Variants in PRH1 observed in about 807,000 individuals in gnomAD.
PRH1 encodes salivary acidic proline-rich phosphoprotein 1/2.
Under a neutral mutation model 7.9 loss-of-function variants are expected in PRH1, and 7 were observed. The ratio of observed to expected loss-of-function variants is 0.89; its 90% CI spans 0.50 to 1.67. The LOEUF (loss-of-function observed/expected upper bound fraction) is 1.67, where lower values mean the gene tolerates loss of function less well. PRH1 is among the 40% of genes most tolerant of loss of function. PRH1 has a pLI of 0.00. For missense variants in PRH1, 109 were observed against 223.6 expected (o/e 0.49, Z 3.27); for synonymous variants, 45 against 80.8 (o/e 0.56, Z 2.38).
At chr12:11,019,154 C>T (rs1941455815) in intron 1 of PRH1, among the ~76,000 whole-genome samples, 1 of 152,286 alleles carries the variant, frequency 6.6e-6, no homozygotes. Context: ...AAATAGAAGA[C>T]AGAAGACAGC....
chr12:11,045,437 T>A (rs532072565), intron 1 of PRH1, among the ~76,000 whole-genome samples: 4 of 152,118 alleles, frequency 2.6e-5, no homozygotes, highest in African/African-American at 9.7e-5. Flanking sequence ...TATAACTGAA[T>A]TGTTTGTAAC....
At chr12:11,030,322 G>C (rs922504328) in intron 1 of PRH1, 13 of 1,537,306 alleles carry the variant, frequency 8.5e-6, no homozygotes, top group Non-Finnish European at 1.1e-5. Context: ...ATACAGTATA[G>C]AAAAACCAGT....
chr12:10,981,781 T>C (rs1211242266), intron 1 of PRH1, among the ~76,000 whole-genome samples: 2 of 151,864 alleles, frequency 1.3e-5, no homozygotes, highest in Non-Finnish European at 2.9e-5. Context: ...CACTGCAAAC[T>C]CGAATTCCTG....
At chr12:11,050,482 G>A (rs977456065), upstream of PRH1, among the ~76,000 whole-genome samples, 15 of 152,164 alleles carry the variant, frequency 9.9e-5, no homozygotes. Flanking sequence ...CCTTCAGCAT[G>A]GGTGTCATGG....
chr12:10,903,851 A>G (rs1364412730), intron 2 of PRH1, among the ~76,000 whole-genome samples: 1 of 151,234 alleles, frequency 6.6e-6, no homozygotes, highest in Non-Finnish European at 1.5e-5. Flanking sequence ...TCAATTCACA[A>G]AAATCAGTAG....
At chr12:10,908,392 G>A (rs200650602) in intron 2 of PRH1, 281 of 1,609,708 alleles carry the variant, frequency 1.7e-4, no homozygotes, top group South Asian at 2.2e-5. Flanking sequence ...GTTTCTCATC[G>A]TTTAGCCCAT....
intron 1 of PRH1, chr12:11,031,008 T>A: frequency 6.2e-7 from 1 of 1,614,308 alleles, no homozygotes; most frequent in Non-Finnish European, 8.5e-7. Context: ...AAATTGGCAA[T>A]CTTGAGCAAA....
At chr12:11,168,368 A>AAAAGAAAGAAAGAAAG (rs199864169) in intron 1 of PRH1, among the ~76,000 whole-genome samples, 6 of 36,094 alleles carry the variant, frequency 1.7e-4, no homozygotes, top group African/African-American at 5.6e-4. Flanking sequence ...GAAAAGAAAG[A>AAAAGAAAGAAAGAAAG]AAAGAAAGAA....
chr12:10,958,940 C>G (rs1392254743), intron 2 of PRH1, among the ~76,000 whole-genome samples: 2 of 152,134 alleles, frequency 1.3e-5, no homozygotes, highest in East Asian at 3.9e-4. Flanking sequence ...TTTACAGGTT[C>G]TCTCTGGCTG....
intron 1 of PRH1, among the ~76,000 whole-genome samples, chr12:11,005,510 G>C (rs949523469): frequency 6.6e-6 from 1 of 152,058 alleles, no homozygotes; most frequent in Non-Finnish European, 1.5e-5. Context: ...AGAATCCAAA[G>C]TTTTCTTATC....
intron 2 of PRH1, among the ~76,000 whole-genome samples, chr12:10,910,512 T>C (rs866738113): frequency 1.9e-4 from 29 of 152,106 alleles, no homozygotes; most frequent in Admixed American, 3.3e-4. Flanking sequence ...AAATATATAG[T>C]GTGGTGTCTC....
intron 1 of PRH1, among the ~76,000 whole-genome samples, chr12:10,983,055 G>A (rs78400021): frequency 0.031 from 4,715 of 152,256 alleles, 91 homozygotes; most frequent in Non-Finnish European, 0.048. Flanking sequence ...TCTGGCCCAA[G>A]TTGCTTGGCC....
rs2708360 is a variant in PRH1, at chr12:11,104,861, T to C, written n.124-57673A>G. On this transcript the variant is annotated intron_variant and non_coding_transcript_variant, in intron 1 of 4. Transcript: ENST00000541977. ...TATACATTTTTGTATTTATATAAAA[T>C]ATTATTAAACAATATTTTCCAAGTC... Among the ~76,000 whole-genome samples the C allele has an allele frequency of 4.3e-3, 655 of 152,058 alleles. 5 individuals carry two copies. Among genetic ancestry groups the C allele is most frequent in the African/African-American group, 0.015 (632 of 41,550 alleles).
At chr12:10,993,983 T>C (rs931967041) in intron 1 of PRH1, among the ~76,000 whole-genome samples, 1 of 152,078 alleles carries the variant, frequency 6.6e-6, no homozygotes, top group Non-Finnish European at 1.5e-5. Context: ...AATTAACCCA[T>C]GTATAAAGCC....
At chr12:11,002,243 A>G (rs1940627216) in intron 1 of PRH1, among the ~76,000 whole-genome samples, 2 of 152,226 alleles carry the variant, frequency 1.3e-5, no homozygotes, top group South Asian at 4.1e-4. Context: ...TGATGATGAT[A>G]ATGTCAGTTA....
chr12:11,140,418 A>G (rs1373799870), intron 1 of PRH1, among the ~76,000 whole-genome samples: 1 of 152,126 alleles, frequency 6.6e-6, no homozygotes, highest in African/African-American at 2.4e-5. Flanking sequence ...AGTAGGCCTA[A>G]TATCACTGGT....
intron 1 of PRH1, among the ~76,000 whole-genome samples, chr12:11,045,884 G>T (rs1288803077): frequency 1.1e-5 from 1 of 90,640 alleles, no homozygotes; most frequent in African/African-American, 4.0e-5. Context: ...CCAATCAAAG[G>T]TTATATAATA....
chr12:10,944,161 C>T (rs1047278298), intron 2 of PRH1, among the ~76,000 whole-genome samples: 2 of 152,154 alleles, frequency 1.3e-5, no homozygotes, highest in Admixed American at 6.5e-5. Context: ...TCTGTACATT[C>T]CTTTGGGCAG....
rs1378443566 is a variant in PRH1, at chr12:11,045,046, G to T, written c.-126+1974C>A. 2.0e-5 allele frequency among the ~76,000 whole-genome samples: 3 copies of T among 152,094 alleles called. No individual in the cohort carries two copies. In the East Asian group the frequency reaches 5.8e-4, roughly 29 times the overall value. On this transcript the variant is annotated intron_variant, in intron 1 of 3. Coordinates refer to the PRH1 transcript ENST00000539853. Reference sequence around the variant, plus strand: ...CACTGTTCACAATAGCCATGATTTGGAAGCAACCTGAGTGTCCAGCAACAG... The same window carrying T: ...CACTGTTCACAATAGCCATGATTTGTAAGCAACCTGAGTGTCCAGCAACAG...
Sources: allele counts gnomAD v4.1 joint callset (sites outside exome capture counted in the v4.1 genomes callset), GRCh38; gene constraint gnomAD v4.1.1; transcripts MANE v1.5; gene names NCBI Gene and HGNC (gene_info 2026-07-23, HGNC 2026-07-21).